The following KLC1 variants were observed in gnomAD, a reference collection of about 807,000 sequenced individuals.
KLC1 encodes kinesin 2 60/70kDa.
Under a neutral mutation model 84.2 loss-of-function variants are expected in KLC1, and 30 were observed. That is an observed-to-expected ratio of 0.36 (90% CI 0.27 to 0.48). The LOEUF is 0.48. Among genes scored for constraint, KLC1 ranks in the 20% least tolerant of loss-of-function variants. KLC1 has a pLI of 0.99. For synonymous variants in KLC1, 289 were observed against 293.3 expected (o/e 0.99, Z 0.15); for missense variants, 499 against 805.4 (o/e 0.62, Z 4.60).
Position 103,662,231 on chromosome 14 carries a change from AGAAGAG to A in KLC1, c.571+38_571+43del, listed in dbSNP as rs764625967. 8 of 1,496,508 alleles carry A rather than the reference AGAAGAG, an allele frequency of 5.3e-6. No homozygotes were observed. In the East Asian group the frequency reaches 1.6e-4, roughly 30 times the overall value. 92.7% of individuals were successfully genotyped at this position (1,496,508 alleles called of 1,614,324 possible). Reference sequence around the variant, plus strand: ...GTGATGCAGGCATGTTACCGAGTGCAGAAGAGAGGTGTTCCTCCTAGAACACGGTCA... The same window carrying A: ...GTGATGCAGGCATGTTACCGAGTGCAAGGTGTTCCTCCTAGAACACGGTCA... On this transcript the variant is annotated intron_variant, in intron 4 of 16. Coordinates refer to ENST00000334553, the MANE Select transcript of KLC1 (RefSeq NM_001394837.1).
chr14:103,649,320 G>A (rs1400948019), intron 1 of KLC1, among the ~76,000 whole-genome samples: 1 of 151,916 alleles, frequency 6.6e-6, no homozygotes, highest in Non-Finnish European at 1.5e-5. Flanking sequence ...CAAAAGTTGA[G>A]TCACTATCTA....
chr14:103,659,040 C>T (rs1032348341), intron 3 of KLC1, among the ~76,000 whole-genome samples: 5 of 151,672 alleles, frequency 3.3e-5, no homozygotes, highest in South Asian at 4.1e-4. Context: ...TGCAATGGCG[C>T]GATCTTGGCT....
intron 1 of KLC1, among the ~76,000 whole-genome samples, chr14:103,650,881 C>CTGT (rs1471966690): frequency 6.6e-6 from 1 of 152,042 alleles, no homozygotes; most frequent in East Asian, 1.9e-4. Context: ...GCCCAGCCGC[C>CTGT]TGTATACTTT....
At chr14:103,630,053 C>G (rs930794127) in intron 1 of KLC1, among the ~76,000 whole-genome samples, 4 of 152,192 alleles carry the variant, frequency 2.6e-5, no homozygotes, top group East Asian at 1.9e-4. Flanking sequence ...GGCGGGGGGC[C>G]GGGTCCCTCC....
At chr14:103,670,071 G>T (rs2080246556) in intron 6 of KLC1, 111 bp from the exon 7 acceptor site, 1 of 716,522 alleles carries the variant, frequency 1.4e-6, no homozygotes. Context: ...TGTTCTATCC[G>T]ACTAAGAATG....
At chr14:103,674,186 T>A (rs941963513) in intron 9 of KLC1, among the ~76,000 whole-genome samples, 1 of 152,232 alleles carries the variant, frequency 6.6e-6, no homozygotes, top group Non-Finnish European at 1.5e-5. Context: ...CTTTCCTTCC[T>A]TCTGTGCCTT....
chr14:103,686,913 AAGT>A (rs2081812404), intron 13 of KLC1, 165 bp from the exon 14 acceptor site: 2 of 337,540 alleles, frequency 5.9e-6, no homozygotes, highest in Admixed American at 4.4e-5. Flanking sequence ...TTTCTAGTTA[AAGT>A]ATATTCACGT....
At chr14:103,643,646 G>T (rs1301299261) in intron 1 of KLC1, among the ~76,000 whole-genome samples, 1 of 152,208 alleles carries the variant, frequency 6.6e-6, no homozygotes, top group African/African-American at 2.4e-5. Flanking sequence ...TACATTGGTT[G>T]ACCGGGCATG....
intron 15 of KLC1, among the ~76,000 whole-genome samples, chr14:103,697,374 C>G (rs575860813): frequency 1.3e-5 from 2 of 151,874 alleles, no homozygotes; most frequent in Admixed American, 1.3e-4. Flanking sequence ...TGCCAGCCCC[C>G]CTTCCTCCCA....
intron 5 of KLC1, among the ~76,000 whole-genome samples, 156 bp downstream of exon 5, chr14:103,663,083 C>CTT (rs369746171): frequency 2.8e-5 from 4 of 143,418 alleles, no homozygotes; most frequent in African/African-American, 5.1e-5. Flanking sequence ...ATTTAGCAAG[C>CTT]TTTTTTTTTT....
At chr14:103,645,634 C>T (rs1158707372) in intron 1 of KLC1, among the ~76,000 whole-genome samples, 2 of 152,118 alleles carry the variant, frequency 1.3e-5, no homozygotes, top group Admixed American at 6.6e-5. Context: ...ATGGTGTAGC[C>T]CATTGCTCCT....
intron 1 of KLC1, among the ~76,000 whole-genome samples, chr14:103,647,693 T>C (rs1401774225): frequency 6.6e-6 from 1 of 151,620 alleles, no homozygotes; most frequent in East Asian, 2.0e-4. Flanking sequence ...CTGGCATACA[T>C]GGTAAAACCC....
At chr14:103,651,130 C>T (rs1386639649) in intron 1 of KLC1, among the ~76,000 whole-genome samples, 1 of 152,050 alleles carries the variant, frequency 6.6e-6, no homozygotes, top group Non-Finnish European at 1.5e-5. Flanking sequence ...CTGCCTCAGC[C>T]TCCATAATAG....
At chr14:103,655,645 G>A (rs138003278) in intron 2 of KLC1, among the ~76,000 whole-genome samples, 1 of 151,582 alleles carries the variant, frequency 6.6e-6, no homozygotes, top group African/African-American at 2.4e-5. Flanking sequence ...GTTTGCTCTC[G>A]CCGCCCAGGC....
At chr14:103,643,384 T>C (rs755961147) in intron 1 of KLC1, among the ~76,000 whole-genome samples, 11 of 152,208 alleles carry the variant, frequency 7.2e-5, no homozygotes, top group Non-Finnish European at 1.3e-4. Context: ...AAATGCTACC[T>C]GAGCCAGGTG....
intron 1 of KLC1, among the ~76,000 whole-genome samples, chr14:103,639,172 C>T (rs1226886246): frequency 2.6e-5 from 4 of 151,872 alleles, no homozygotes; most frequent in African/African-American, 7.3e-5. Flanking sequence ...TTCTTCTTTC[C>T]TTTTTTTTGA....
At chr14:103,652,062 C>G (rs569298042) in intron 1 of KLC1, among the ~76,000 whole-genome samples, 23 of 152,292 alleles carry the variant, frequency 1.5e-4, no homozygotes, top group Non-Finnish European at 2.8e-4. Flanking sequence ...TAGTAAAACA[C>G]TTGCATCTGC....
At chr14:103,664,819 C>CTTTTTT (rs34967823) in intron 5 of KLC1, among the ~76,000 whole-genome samples, 4 of 102,002 alleles carry the variant, frequency 3.9e-5, no homozygotes, top group Non-Finnish European at 3.9e-5. Context: ...TTGGCCAAGG[C>CTTTTTT]TTTTTTTTTT....
chr14:103,691,847 C>T (rs1374592796), intron 14 of KLC1, among the ~76,000 whole-genome samples: 4 of 152,026 alleles, frequency 2.6e-5, no homozygotes, highest in Non-Finnish European at 5.9e-5. Context: ...TCATGGCTCA[C>T]TGCAGCCTTG....
Sources: gnomAD v4.1 joint callset for allele counts (sites outside exome capture counted in the v4.1 genomes callset) on GRCh38, gnomAD v4.1.1 for gene constraint, MANE v1.5 for transcripts, NCBI Gene and HGNC (gene_info 2026-07-23, HGNC 2026-07-21) for gene names.